HOMER2: variants seen among roughly 807,000 people sequenced by gnomAD.
The protein encoded by HOMER2 is homer protein homolog 2.
HOMER2 carries 27 observed loss-of-function variants against 47.0 expected under a neutral mutation model. The observed-to-expected ratio is 0.57, with a 90% CI of 0.42 to 0.79. The LOEUF (loss-of-function observed/expected upper bound fraction) is 0.79, where lower values mean the gene tolerates loss of function less well. Ranked by LOEUF, HOMER2 falls within the 30% of genes least tolerant of loss-of-function variation. The probability of loss-of-function intolerance (pLI) is 0.00; values close to 1 mark genes in which losing one functional copy is unlikely to be tolerated. For synonymous variants in HOMER2, 161 were observed against 163.8 expected, an observed-to-expected ratio of 0.98 and a Z score of 0.13; for missense variants, 443 against 435.0, an observed-to-expected ratio of 1.02 and a Z score of -0.16.
At chr15:82,848,780 T>C (rs371706735), downstream of HOMER2, among the ~76,000 whole-genome samples, 11 of 152,292 alleles carry the variant, frequency 7.2e-5, no homozygotes, top group African/African-American at 2.4e-4. Flanking sequence ...GCATCACGGA[T>C]GGGCTCCAGG....
chr15:82,932,708 C>T lies in HOMER2; in HGVS notation c.5+19823G>A, dbSNP rs140376839. Among the ~76,000 whole-genome samples, 7 of 152,224 alleles carry T rather than the reference C, an allele frequency of 4.6e-5. No homozygotes were observed. In the East Asian group the frequency reaches 5.8e-4, roughly 13 times the overall value. ...GCCTCCACAAGGGCTTCATCACTCC[C>T]GCAAAGCTCGGCCCTCAAGACACTC... is the stretch of plus-strand genomic sequence containing the variant. On this transcript the variant is annotated intron_variant, in intron 1 of 8. Transcript: ENST00000450735.
intron 1 of HOMER2, among the ~76,000 whole-genome samples, chr15:82,939,568 G>A (rs2054217032): frequency 1.3e-5 from 2 of 152,318 alleles, no homozygotes; most frequent in African/African-American, 4.8e-5. Context: ...TACTTGGGGG[G>A]CTGAGGCAGG....
intron 1 of HOMER2, among the ~76,000 whole-genome samples, chr15:82,922,891 C>A (rs926430825): frequency 7.2e-5 from 11 of 152,166 alleles, no homozygotes; most frequent in African/African-American, 2.4e-4. Flanking sequence ...GTGCCTTCCT[C>A]CAGAATGCCC....
At chr15:82,963,607 A>G (rs866535598) in intron 1 of HOMER2, among the ~76,000 whole-genome samples, 4 of 152,302 alleles carry the variant, frequency 2.6e-5, no homozygotes, top group Middle Eastern at 6.8e-3. Flanking sequence ...TACTTCTGGG[A>G]TGGGGTGTGG....
At position 82,913,855 on chromosome 15, in the gene HOMER2, C is replaced by T. The variant is rs147673228; in HGVS notation, c.6-21014G>A. 2.6e-5 allele frequency among the ~76,000 whole-genome samples: 4 copies of T among 152,200 alleles called. No individual in the cohort carries two copies. The highest frequency in any genetic ancestry group is 6.5e-5 in the Admixed American group (1 of 15,280). On this transcript the variant is annotated intron_variant, in intron 1 of 8. Transcript: ENST00000450735. This position sits in a 1 kb window ranked among gnomAD's most constrained non-coding sequence, Gnocchi z 4.1. ...CAAAAAGTTAAATACAGCATTTCCACGTGGCCCTGCAATTCTTCTAGGTAT... is the reference window on the plus strand; with the variant it reads ...CAAAAAGTTAAATACAGCATTTCCATGTGGCCCTGCAATTCTTCTAGGTAT...
intron 1 of HOMER2, among the ~76,000 whole-genome samples, chr15:82,903,306 C>G (rs903965850): frequency 2.6e-5 from 4 of 152,106 alleles, no homozygotes; most frequent in African/African-American, 9.7e-5. Context: ...GCTTGGAAGT[C>G]GCCACTCCAT....
At chr15:82,874,702 G>C (rs565825607) in intron 3 of HOMER2, among the ~76,000 whole-genome samples, 84 of 152,308 alleles carry the variant, frequency 5.5e-4, no homozygotes, top group African/African-American at 1.9e-3. Context: ...CTTCCATTAT[G>C]CATCACCTTA....
chr15:82,920,315 G>A (rs2053695993), intron 1 of HOMER2, among the ~76,000 whole-genome samples: 1 of 152,148 alleles, frequency 6.6e-6, no homozygotes, highest in East Asian at 1.9e-4. Flanking sequence ...GATTGGTTTT[G>A]GCTGGATGTA....
intron 1 of HOMER2, among the ~76,000 whole-genome samples, chr15:82,929,791 C>T (rs2053959436): frequency 6.6e-6 from 1 of 151,188 alleles, no homozygotes; most frequent in Admixed American, 6.6e-5. Flanking sequence ...AGTGTAGGGG[C>T]AGGATCTTGG....
intron 1 of HOMER2, among the ~76,000 whole-genome samples, chr15:82,932,060 T>C (rs1159498437): frequency 1.3e-5 from 2 of 152,074 alleles, no homozygotes; most frequent in Non-Finnish European, 2.9e-5. Flanking sequence ...GATAAAGCTG[T>C]GCTCAAACCC....
chr15:82,978,240 A>G (rs2030273074), intron 1 of HOMER2, among the ~76,000 whole-genome samples: 1 of 152,246 alleles, frequency 6.6e-6, no homozygotes. Flanking sequence ...GCCAGACTCA[A>G]TGCTCATTGC....
chr15:82,926,027 TC>T (rs1357980030), intron 1 of HOMER2: 2 of 152,334 alleles, frequency 1.3e-5, no homozygotes, highest in African/African-American at 2.4e-5. Context: ...CCTTCTCTTC[TC>T]TTGCCTCTCC....
chr15:82,938,942 C>T (rs1042965346), intron 1 of HOMER2, among the ~76,000 whole-genome samples: 1 of 152,186 alleles, frequency 6.6e-6, no homozygotes, highest in Non-Finnish European at 1.5e-5. Flanking sequence ...CTCTCAGGCT[C>T]ATTCACCGGC....
At chr15:82,892,322 G>A (rs1448788864) in intron 2 of HOMER2, among the ~76,000 whole-genome samples, 1 of 152,050 alleles carries the variant, frequency 6.6e-6, no homozygotes, top group Non-Finnish European at 1.5e-5. Context: ...CTATCCTAAG[G>A]ACTATTCAAA....
chr15:82,911,675 A>G (rs893797251), intron 1 of HOMER2, among the ~76,000 whole-genome samples: 4 of 152,198 alleles, frequency 2.6e-5, no homozygotes, highest in Non-Finnish European at 4.4e-5. Flanking sequence ...TATTTACAAG[A>G]ACAGTTGGCA....
intron 1 of HOMER2, among the ~76,000 whole-genome samples, chr15:82,973,936 C>A (rs2030103075): frequency 1.3e-5 from 2 of 152,118 alleles, no homozygotes; most frequent in Non-Finnish European, 2.9e-5. Context: ...CATGGTGGTG[C>A]ACACCTGTAA....
chr15:82,900,471 G>T (rs762824179), intron 1 of HOMER2, among the ~76,000 whole-genome samples: 1 of 140,028 alleles, frequency 7.1e-6, no homozygotes, highest in South Asian at 2.1e-4. Context: ...ACTAGACAGG[G>T]TTATTCACTG....
chr15:82,895,560 G>T (rs138898063), intron 1 of HOMER2, among the ~76,000 whole-genome samples: 3 of 152,178 alleles, frequency 2.0e-5, no homozygotes, highest in Non-Finnish European at 4.4e-5. Flanking sequence ...TCCTACATAC[G>T]TGAAAGGAAG....
chr15:82,882,781 AAAG>A (rs1733329363), intron 2 of HOMER2, among the ~76,000 whole-genome samples: 1 of 152,062 alleles, frequency 6.6e-6, no homozygotes, highest in Non-Finnish European at 1.5e-5. Flanking sequence ...TTTCCTTCTC[AAAG>A]AGCCTGTGCT....
Sources: allele counts gnomAD v4.1 joint callset (sites outside exome capture counted in the v4.1 genomes callset), GRCh38; gene constraint gnomAD v4.1.1; non-coding constraint Gnocchi (gnomAD v3.1); transcripts MANE v1.5; gene names NCBI Gene and HGNC (gene_info 2026-07-23, HGNC 2026-07-21).